Variants in ARHGAP15 observed in about 807,000 individuals in gnomAD.
ARHGAP15 encodes the protein Rho GTPase activating protein 15, also known as rho GTPase-activating protein 15.
Under a neutral mutation model 63.7 loss-of-function variants are expected in ARHGAP15, and 51 were observed. That is an observed-to-expected ratio of 0.80 (90% CI 0.64 to 1.01). ARHGAP15 has a LOEUF of 1.01. Among genes scored for constraint, ARHGAP15 ranks in the 50% least tolerant of loss-of-function variants. The probability of loss-of-function intolerance (pLI) is 0.00; values close to 1 mark genes in which losing one functional copy is unlikely to be tolerated. For synonymous variants in ARHGAP15, 191 were observed against 193.8 expected (o/e 0.99, Z 0.12); for missense variants, 560 against 564.6 (o/e 0.99, Z 0.08).
intron 10 of ARHGAP15, among the ~76,000 whole-genome samples, chr2:143,536,864 T>C (rs1282682699): frequency 6.6e-6 from 1 of 152,132 alleles, no homozygotes; most frequent in Non-Finnish European, 1.5e-5. Context: ...AGCAGCATGA[T>C]TTATAATCCT....
chr2:143,716,626 C>T (rs1684824614), intron 13 of ARHGAP15, among the ~76,000 whole-genome samples: 1 of 152,166 alleles, frequency 6.6e-6, no homozygotes, highest in African/African-American at 2.4e-5. Flanking sequence ...ATTTGGTTCC[C>T]TTGTTTTATG....
intron 1 of ARHGAP15, among the ~76,000 whole-genome samples, chr2:143,130,020 G>C (rs1688857967): frequency 6.6e-6 from 1 of 152,040 alleles, no homozygotes; most frequent in South Asian, 2.1e-4. Context: ...CATGACACTT[G>C]AAATTTTTTT....
chr2:143,143,903 C>G (rs1574003929), intron 1 of ARHGAP15, among the ~76,000 whole-genome samples: 1 of 151,848 alleles, frequency 6.6e-6, no homozygotes, highest in Non-Finnish European at 1.5e-5. Flanking sequence ...TTTCCTTATC[C>G]TCTCCCTCTT....
At chr2:143,623,407 G>A (rs1182796479) in intron 11 of ARHGAP15, among the ~76,000 whole-genome samples, 2 of 152,124 alleles carry the variant, frequency 1.3e-5, no homozygotes, top group Non-Finnish European at 2.9e-5. Context: ...TCTAAAAAGA[G>A]TTGGTAAGCA....
In ARHGAP15 at chr2:143,652,468, T is replaced by A. The variant is rs553982369; in HGVS notation, c.1138+28201T>A. 2.0e-5 allele frequency among the ~76,000 whole-genome samples: 3 copies of A among 152,212 alleles called. No individual in the cohort carries two copies. The East Asian group carries it at 5.8e-4, about 29-fold the overall frequency. Reference sequence around the variant, plus strand: ...CATCTTGCTAACTTATATATATTTTTAAAAGCTTGCCAAAATTTTAATTGG... The same window carrying A: ...CATCTTGCTAACTTATATATATTTTAAAAAGCTTGCCAAAATTTTAATTGG... On this transcript the variant is annotated intron_variant, in intron 12 of 13. Transcript: ENST00000295095.
chr2:143,316,194 A>T (rs1050066700), intron 6 of ARHGAP15, among the ~76,000 whole-genome samples: 1 of 152,162 alleles, frequency 6.6e-6, no homozygotes, highest in African/African-American at 2.4e-5. Context: ...CTTTCCTCCT[A>T]GTTTAGGTAG....
At chr2:143,540,841 G>C (rs1345010855) in intron 10 of ARHGAP15, among the ~76,000 whole-genome samples, 1 of 152,094 alleles carries the variant, frequency 6.6e-6, no homozygotes, top group Admixed American at 6.5e-5. Context: ...TGGTGAATCT[G>C]ACAATTATGT....
intron 6 of ARHGAP15, among the ~76,000 whole-genome samples, chr2:143,370,391 T>C (rs945182921): frequency 2.6e-5 from 4 of 152,120 alleles, no homozygotes; most frequent in African/African-American, 9.7e-5. Context: ...GAGATATACC[T>C]AATGCTAGAT....
chr2:143,742,584 A>G (rs1198397226), intron 13 of ARHGAP15, among the ~76,000 whole-genome samples: 1 of 152,232 alleles, frequency 6.6e-6, no homozygotes, highest in Non-Finnish European at 1.5e-5. Context: ...AGAAAGGTTT[A>G]AAAGGAAATT....
intron 12 of ARHGAP15, among the ~76,000 whole-genome samples, chr2:143,626,724 A>G (rs1698851072): frequency 6.6e-6 from 1 of 152,064 alleles, no homozygotes; most frequent in East Asian, 1.9e-4. Flanking sequence ...TGGTTGGTGC[A>G]TTTACAATCC....
chr2:143,407,644 A>G (rs1185565549), intron 6 of ARHGAP15, among the ~76,000 whole-genome samples: 2 of 151,772 alleles, frequency 1.3e-5, no homozygotes, highest in African/African-American at 4.8e-5. Context: ...TCACTCTACC[A>G]GTAGGATTAA....
At chr2:143,201,943 A>G (rs1207487014) in intron 2 of ARHGAP15, among the ~76,000 whole-genome samples, 191 bp from the exon 3 acceptor site, 1 of 152,154 alleles carries the variant, frequency 6.6e-6, no homozygotes, top group African/African-American at 2.4e-5. Flanking sequence ...GGTTTGAGAT[A>G]TGCTTGCAGC....
At chr2:143,497,164 C>T (rs75888537) in intron 9 of ARHGAP15, among the ~76,000 whole-genome samples, 10,567 of 152,252 alleles carry the variant, frequency 0.069, 559 homozygotes, top group East Asian at 0.22. Context: ...TAACTCAAAT[C>T]TTGTGTGTGT....
At chr2:143,516,955 TTGG>T (rs1483288956) in intron 9 of ARHGAP15, among the ~76,000 whole-genome samples, 7 of 149,088 alleles carry the variant, frequency 4.7e-5, no homozygotes, top group Non-Finnish European at 7.4e-5. Context: ...GTTGTTGTTG[TTGG>T]TGTTGTTTTG....
intron 5 of ARHGAP15, among the ~76,000 whole-genome samples, chr2:143,233,798 C>A (rs1200937381): frequency 6.6e-6 from 1 of 151,978 alleles, no homozygotes; most frequent in African/African-American, 2.4e-5. Context: ...ACACGCACCA[C>A]CAAGCCCGGC....
intron 6 of ARHGAP15, among the ~76,000 whole-genome samples, chr2:143,337,024 G>A (rs1684802782): frequency 6.6e-6 from 1 of 152,000 alleles, no homozygotes; most frequent in African/African-American, 2.4e-5. Flanking sequence ...AGGTGGAAGG[G>A]GGTGGGAGAG....
At chr2:143,716,304 A>G (rs1574881371) in intron 13 of ARHGAP15, among the ~76,000 whole-genome samples, 1 of 152,366 alleles carries the variant, frequency 6.6e-6, no homozygotes, top group East Asian at 1.9e-4. Flanking sequence ...GTGACCACCC[A>G]TCAGTGATGG....
chr2:143,477,188 T>TCG (rs1419421021), intron 8 of ARHGAP15, among the ~76,000 whole-genome samples: 3 of 145,706 alleles, frequency 2.1e-5, no homozygotes, highest in African/African-American at 7.9e-5. Context: ...ACACACATGC[T>TCG]CGCACACACA....
At chr2:143,444,341 T>C (rs977488315) in intron 8 of ARHGAP15, among the ~76,000 whole-genome samples, 5 of 152,232 alleles carry the variant, frequency 3.3e-5, no homozygotes, top group Admixed American at 2.6e-4. Context: ...GTCCTTTTGT[T>C]TATTCCATGA....
Sources: allele counts gnomAD v4.1 joint callset (sites outside exome capture counted in the v4.1 genomes callset), GRCh38; gene constraint gnomAD v4.1.1; transcripts MANE v1.5; gene names NCBI Gene and HGNC (gene_info 2026-07-23, HGNC 2026-07-21).